VEGFA: variants seen among roughly 807,000 people sequenced by gnomAD.
The protein encoded by VEGFA is vascular endothelial growth factor A.
Under a neutral mutation model 49.7 loss-of-function variants are expected in VEGFA, and 20 were observed. The ratio of observed to expected loss-of-function variants is 0.40; its 90% CI spans 0.28 to 0.58. The LOEUF (loss-of-function observed/expected upper bound fraction) is 0.58. VEGFA is among the 20% of genes least tolerant of loss of function. VEGFA has a pLI of 0.40. For missense variants in VEGFA, 505 were observed against 553.5 expected, an observed-to-expected ratio of 0.91 and a Z score of 0.88; for synonymous variants, 219 against 223.4, an observed-to-expected ratio of 0.98 and a Z score of 0.18.
At chr6:43,780,416 A>C in intron 5 of VEGFA, 1 of 421,110 alleles carries the variant, frequency 2.4e-6, no homozygotes, top group Non-Finnish European at 4.5e-6. Flanking sequence ...AGCCACTGTG[A>C]GTGTGGAGAC....
chr6:43,780,531 A>G, intron 5 of VEGFA: 1 of 674,224 alleles, frequency 1.5e-6, no homozygotes, highest in Non-Finnish European at 2.6e-6. Flanking sequence ...AGAAAGAGCC[A>G]TCGAGTGCTT....
intron 4 of VEGFA, 131 bp downstream of exon 4, chr6:43,778,667 A>C: frequency 9.2e-7 from 1 of 1,089,050 alleles, no homozygotes; most frequent in Non-Finnish European, 1.4e-6. Context: ...ATTTTACTTC[A>C]ATGTGCCTCA....
Position 43,785,462 on chromosome 6 carries a change from A to T in VEGFA, c.*900A>T. 4.5e-6 allele frequency: 1 copy of T among 221,332 alleles called. No homozygotes were observed. Among genetic ancestry groups the T allele is most frequent in the Non-Finnish European group, 9.1e-6 (1 of 110,286 alleles). 13.7% of individuals were successfully genotyped at this position (221,332 alleles called of 1,614,324 possible). A position where few individuals can be genotyped will look rare whatever the true frequency, so the allele number is the denominator to read the frequency against. ...CTTCGCTTACTCTCACCTGCTTCTG[A>T]GTTGCCCAGGAGACCACTGGCAGAT... is the stretch of plus-strand genomic sequence containing the variant. On this transcript the variant is annotated 3_prime_UTR_variant, in exon 8 of 8. Coordinates refer to ENST00000672860, the MANE Select transcript of VEGFA (RefSeq NM_003376.6).
chr6:43,770,910 G>A lies in VEGFA; in HGVS notation c.204G>A (p.Val68=). The change falls in exon 1 of 8, where the codon GTG becomes GTA. Residue 68 remains valine (V), a synonymous_variant. Transcript: ENST00000672860. ...GCTGTTCTCGCTTCGGAGGAGCCGT[G>A]GTCCGCGCGGGGGAAGCCGAGCCGA... 2 of 1,544,648 alleles carry A rather than the reference G, an allele frequency of 1.3e-6. No homozygotes were observed. Among genetic ancestry groups the A allele is most frequent in the Non-Finnish European group, 1.7e-6 (2 of 1,145,498 alleles).
intron 2 of VEGFA, chr6:43,776,136 G>C (rs1223309266): frequency 3.3e-5 from 5 of 152,168 alleles, no homozygotes; most frequent in Non-Finnish European, 7.3e-5. Context: ...GGAAATGGAA[G>C]CCAAAACACC....
At position 43,777,252 on chromosome 6, in the gene VEGFA, G is replaced by A. The variant is rs1006036816; in HGVS notation, c.659-217G>A. The A allele has an allele frequency of 4.7e-6, 3 of 631,762 alleles. No homozygotes were observed. Among genetic ancestry groups the A allele is most frequent in the Non-Finnish European group, 8.7e-6 (3 of 346,224 alleles). The allele number at this position is 631,762 out of a possible 1,614,324, so 39.1% of individuals were successfully genotyped here. On this transcript the variant is annotated intron_variant, in intron 2 of 7. Coordinates refer to ENST00000672860, the MANE Select transcript of VEGFA (RefSeq NM_003376.6). The surrounding 1 kb of genome is among the most constrained non-coding windows in gnomAD (Gnocchi z 4.3). ...ATGTCCCTTGGAACTTGAGTACATC[G>A]TGTGATCTCTGGAATGAAAACAGGC...
intron 1 of VEGFA, chr6:43,772,083 G>A (rs1763803217): frequency 4.1e-6 from 4 of 985,396 alleles, no homozygotes; most frequent in Non-Finnish European, 4.8e-6. Context: ...AGCCCTCCGC[G>A]GGAAGGTGAC....
In VEGFA at chr6:43,770,919, G is replaced by A; in HGVS notation, c.213G>A (p.Ala71=). The A allele has an allele frequency of 1.3e-6, 2 of 1,544,604 alleles. No individual in the cohort carries two copies. The highest frequency in any genetic ancestry group is 1.7e-6 in the Non-Finnish European group (2 of 1,145,446). ...GCTTCGGAGGAGCCGTGGTCCGCGC[G>A]GGGGAAGCCGAGCCGAGCGGAGCCG... The change falls in exon 1 of 8, where the codon GCG becomes GCA. Residue 71 remains alanine, a synonymous_variant. Coordinates refer to ENST00000672860, the MANE Select transcript of VEGFA (RefSeq NM_003376.6).
At chr6:43,779,885 C>T (rs1766823365) in intron 5 of VEGFA, 1 of 341,928 alleles carries the variant, frequency 2.9e-6, no homozygotes, top group Admixed American at 3.6e-5. Context: ...GGACAGGCTA[C>T]AGCCTGCCCC....
Position 43,770,476 on chromosome 6 carries a change from A to AT in VEGFA, c.-229dup. The AT allele has an allele frequency of 1.1e-6, 1 of 916,800 alleles. No individual in the cohort carries two copies. Among genetic ancestry groups the AT allele is most frequent in the South Asian group, 4.0e-5 (1 of 24,910 alleles). The allele number at this position is 916,800 out of a possible 1,614,324, so 56.8% of individuals were successfully genotyped here. On this transcript the variant is annotated 5_prime_UTR_variant, in exon 1 of 8. Transcript: ENST00000672860. ...TGAATCGGGCCGACGGCTTGGGGAG[A>AT]TTGCTCTACTTCCCCAAATCACTGT...
intron 3 of VEGFA, 135 bp from the exon 4 acceptor site, chr6:43,778,325 G>C (rs537420706): frequency 3.9e-4 from 299 of 770,130 alleles, no homozygotes; most frequent in Non-Finnish European, 6.4e-4. Context: ...AGAGCTCTTG[G>C]TCCTCCCTGC....
In VEGFA at chr6:43,771,043, G is replaced by C. The variant is rs915247074; in HGVS notation, c.337G>C (p.Ala113Pro). ...GAGGGGGCCGCAGTGGCGACTCGGCGCTCGGAAGCCGGGCTCATGGACGGG... is the reference window on the plus strand; with the variant it reads ...GAGGGGGCCGCAGTGGCGACTCGGCCCTCGGAAGCCGGGCTCATGGACGGG... The change falls in exon 1 of 8, where the codon GCT (alanine) becomes CCT (proline). Residue 113 changes from alanine (A) to proline (P), a missense_variant. Coordinates refer to ENST00000672860, the MANE Select transcript of VEGFA (RefSeq NM_003376.6). 9.2e-6 allele frequency: 14 copies of C among 1,522,226 alleles called. No individual in the cohort carries two copies. Among genetic ancestry groups the C allele is most frequent in the Middle Eastern group, 4.5e-4 (2 of 4,428 alleles). The allele number at this position is 1,522,226 out of a possible 1,614,324, so 94.3% of individuals were successfully genotyped here.
intron 2 of VEGFA, chr6:43,775,443 G>A (rs1765073494): frequency 6.6e-6 from 1 of 152,248 alleles, no homozygotes; most frequent in Non-Finnish European, 1.5e-5. Context: ...CCTTGGAGGG[G>A]CGGCTGCCTG....
Position 43,784,689 on chromosome 6 carries a change from A to G in VEGFA, c.*127A>G. 2 of 1,545,916 alleles carry G rather than the reference A, an allele frequency of 1.3e-6. No individual in the cohort carries two copies. The highest frequency in any genetic ancestry group is 8.9e-7 in the Non-Finnish European group (1 of 1,118,732). The stretch of plus-strand genomic sequence containing the variant: ...ACCACACCATCACCATCGACAGAAC[A>G]GTCCTTAATCCAGAAACCTGAAATG... On this transcript the variant is annotated 3_prime_UTR_variant, in exon 8 of 8. Coordinates refer to ENST00000672860, the MANE Select transcript of VEGFA (RefSeq NM_003376.6).
Position 43,780,784 on chromosome 6 carries a change from C to T in VEGFA, c.1015C>T (p.Arg339Trp), listed in dbSNP as rs141138308. 31 of 1,613,954 alleles carry T rather than the reference C, an allele frequency of 1.9e-5. No individual in the cohort carries two copies. The highest frequency in any genetic ancestry group is 3.3e-4 in the Middle Eastern group (2 of 6,068). The change falls in exon 6 of 8, where the codon CGG becomes TGG. Residue 339 changes from arginine to tryptophan, a missense_variant. By Grantham distance (101) the Arg-to-Trp change is moderately radical. Transcript: ENST00000672860. ...GCAAAAACGAAAGCGCAAGAAATCC[C>T]GGTATAAGTCCTGGAGCGTGTACGT...
At chr6:43,781,880 G>C in intron 6 of VEGFA, 76 bp from the exon 7 acceptor site, 2 of 1,586,174 alleles carry the variant, frequency 1.3e-6, no homozygotes, top group Admixed American at 1.7e-5. Context: ...ATGTTAGGGG[G>C]TGTTGCATGG....
chr6:43,784,646 A>G lies in VEGFA; in HGVS notation c.*84A>G, dbSNP rs2128063307. ...AAGACTGATACAGAACGATCGATAC[A>G]GAAACCACGCTGCCGCCACCACACC... On this transcript the variant is annotated 3_prime_UTR_variant, in exon 8 of 8. Transcript: ENST00000672860. 6.2e-7 allele frequency: 1 copy of G among 1,611,304 alleles called. No homozygotes were observed. Among genetic ancestry groups the G allele is most frequent in the Non-Finnish European group, 8.5e-7 (1 of 1,177,420 alleles).
chr6:43,784,092 C>T (rs539494693), intron 7 of VEGFA: 2 of 242,216 alleles, frequency 8.3e-6, no homozygotes, highest in Admixed American at 1.0e-4. Flanking sequence ...GAAGATCTGC[C>T]CACTCTCTTC....
Position 43,784,569 on chromosome 6 carries a change from C to T in VEGFA, c.*7C>T, listed in dbSNP as rs2128063022. On this transcript the variant is annotated 3_prime_UTR_variant, in exon 8 of 8. Coordinates refer to ENST00000672860, the MANE Select transcript of VEGFA (RefSeq NM_003376.6). Reference sequence around the variant, plus strand: ...TGACAAGCCGAGGCGGTGAGCCGGGCAGGAGGAAGGAGCCTCCCTCAGGGT... The same window carrying T: ...TGACAAGCCGAGGCGGTGAGCCGGGTAGGAGGAAGGAGCCTCCCTCAGGGT... The T allele has an allele frequency of 1.2e-6, 2 of 1,614,200 alleles. No individual in the cohort carries two copies. Among genetic ancestry groups the T allele is most frequent in the South Asian group, 1.1e-5 (1 of 91,086 alleles).
Sources: allele counts gnomAD v4.1 joint callset, GRCh38; gene constraint gnomAD v4.1.1; non-coding constraint Gnocchi (gnomAD v3.1); transcripts MANE v1.5; gene names NCBI Gene and HGNC (gene_info 2026-07-23, HGNC 2026-07-21).